Variants in ARHGEF3 observed in about 807,000 individuals in gnomAD.
ARHGEF3 encodes 59.8 kDA protein.
A neutral mutation model predicts 63.2 loss-of-function variants in ARHGEF3; 28 were observed. That is an observed-to-expected ratio of 0.44 (90% CI 0.33 to 0.61). ARHGEF3 has a LOEUF of 0.61. Among genes scored for constraint, ARHGEF3 ranks in the 20% least tolerant of loss-of-function variants. The probability of loss-of-function intolerance (pLI) is 0.03; values close to 1 mark genes in which losing one functional copy is unlikely to be tolerated. For missense variants in ARHGEF3, 533 were observed against 659.3 expected, an observed-to-expected ratio of 0.81 and a Z score of 2.10; for synonymous variants, 266 against 254.2, an observed-to-expected ratio of 1.05 and a Z score of -0.44.
intron 4 of ARHGEF3, among the ~76,000 whole-genome samples, chr3:56,752,170 C>T (rs565346160): frequency 4.2e-4 from 63 of 151,442 alleles, no homozygotes; most frequent in African/African-American, 1.5e-3. Context: ...ATCTGCCCGC[C>T]TCGGCCTCCC....
At chr3:57,000,002 G>C (rs1420719441) in intron 2 of ARHGEF3, among the ~76,000 whole-genome samples, 1 of 151,990 alleles carries the variant, frequency 6.6e-6, no homozygotes, top group African/African-American at 2.4e-5. Context: ...TGTGGCCTTG[G>C]GCAAATGACT....
At chr3:56,991,845 C>T (rs374025311) in intron 2 of ARHGEF3, among the ~76,000 whole-genome samples, 92 of 152,290 alleles carry the variant, frequency 6.0e-4, no homozygotes, top group African/African-American at 2.1e-3. Flanking sequence ...AAACTCCTGA[C>T]CTCAGGTGAT....
intron 2 of ARHGEF3, among the ~76,000 whole-genome samples, chr3:56,981,310 T>C (rs1468302855): frequency 6.6e-6 from 1 of 152,208 alleles, no homozygotes; most frequent in African/African-American, 2.4e-5. Context: ...GGGTAAATCT[T>C]TCTTAATGCA....
intron 4 of ARHGEF3, among the ~76,000 whole-genome samples, chr3:56,837,685 A>G (rs2039161327): frequency 6.6e-6 from 1 of 152,202 alleles, no homozygotes; most frequent in Non-Finnish European, 1.5e-5. Flanking sequence ...AGGTCACAAT[A>G]AACTGCGGCA....
chr3:57,030,395 C>T (rs1703684416), intron 2 of ARHGEF3, among the ~76,000 whole-genome samples: 1 of 152,128 alleles, frequency 6.6e-6, no homozygotes, highest in Non-Finnish European at 1.5e-5. Context: ...ATAATCCGTG[C>T]CTGGAAGACT....
At chr3:56,905,551 T>TGAG (rs1314976126) in intron 3 of ARHGEF3, among the ~76,000 whole-genome samples, 11 of 152,224 alleles carry the variant, frequency 7.2e-5, no homozygotes, top group Admixed American at 5.2e-4. Context: ...TAAACCAGCC[T>TGAG]ACACGCATAA....
chr3:56,996,890 A>T (rs866786010), intron 2 of ARHGEF3, among the ~76,000 whole-genome samples: 3,290 of 136,304 alleles, frequency 0.024, 64 homozygotes, highest in African/African-American at 0.045. Flanking sequence ...TATTATTATT[A>T]TTTTTTTTTT....
At chr3:57,045,392 T>C (rs1484194758) in intron 1 of ARHGEF3, among the ~76,000 whole-genome samples, 1 of 152,226 alleles carries the variant, frequency 6.6e-6, no homozygotes, top group Admixed American at 6.5e-5. Context: ...TATGGATTCA[T>C]GGAGGACCCA....
At chr3:56,866,770 G>A (rs541677619) in intron 4 of ARHGEF3, among the ~76,000 whole-genome samples, 75 of 152,334 alleles carry the variant, frequency 4.9e-4, no homozygotes, top group African/African-American at 1.7e-3. Flanking sequence ...GTGGGCACCA[G>A]GCATAGTGTT....
intron 1 of ARHGEF3, among the ~76,000 whole-genome samples, chr3:56,783,428 G>A (rs1473006105): frequency 1.3e-5 from 2 of 152,184 alleles, no homozygotes; most frequent in Admixed American, 1.3e-4. Flanking sequence ...AATTTGGAGA[G>A]GGTGAATGTT....
At chr3:56,770,150 T>C (rs1055708407) in intron 2 of ARHGEF3, among the ~76,000 whole-genome samples, 2 of 152,142 alleles carry the variant, frequency 1.3e-5, no homozygotes, top group African/African-American at 4.8e-5. Context: ...CAGTGGCTCA[T>C]GTCTGTAATC....
At chr3:56,996,429 T>A (rs897235480) in intron 2 of ARHGEF3, among the ~76,000 whole-genome samples, 4 of 152,188 alleles carry the variant, frequency 2.6e-5, no homozygotes, top group Non-Finnish European at 1.5e-5. Context: ...TAATCCCCCA[T>A]GTGATGGTAT....
chr3:56,882,249 A>T, intron 4 of ARHGEF3: 1 of 1,514,962 alleles, frequency 6.6e-7, no homozygotes, highest in Non-Finnish European at 9.0e-7. Flanking sequence ...CGGAGAAGAG[A>T]GATGCTCTCG....
At chr3:56,961,048 C>A (rs1389370244) in intron 2 of ARHGEF3, among the ~76,000 whole-genome samples, 4 of 152,130 alleles carry the variant, frequency 2.6e-5, no homozygotes, top group Non-Finnish European at 1.5e-5. Context: ...TGTCAATTAT[C>A]ACAATAATTA....
chr3:56,795,480 C>T lies in ARHGEF3; in HGVS notation c.96+6223G>A, dbSNP rs968295488. ...CTTACCGTTAAGGTTTCTCATTCAG[C>T]TTCAATTAACTGAAATTTACTAACA... On this transcript the variant is annotated intron_variant, in intron 1 of 9. Coordinates refer to ENST00000296315, the MANE Select transcript of ARHGEF3 (RefSeq NM_019555.3). Among the ~76,000 whole-genome samples, 7 of 152,270 alleles carry T rather than the reference C, an allele frequency of 4.6e-5. No individual in the cohort carries two copies. In the South Asian group the frequency reaches 1.2e-3, roughly 27 times the overall value.
chr3:57,006,962 T>C (rs1447081173), intron 2 of ARHGEF3, among the ~76,000 whole-genome samples: 2 of 152,136 alleles, frequency 1.3e-5, no homozygotes, highest in Non-Finnish European at 2.9e-5. Flanking sequence ...CCAAGTGATA[T>C]TCCACTGACA....
At chr3:56,905,468 ATTT>A (rs2108319984) in intron 3 of ARHGEF3, among the ~76,000 whole-genome samples, 1 of 152,350 alleles carries the variant, frequency 6.6e-6, no homozygotes, top group Admixed American at 6.5e-5. Flanking sequence ...GCAATAATGT[ATTT>A]ATTTAAGTCC....
Position 56,874,385 on chromosome 3 carries a change from G to A in ARHGEF3, c.192+7907C>T, listed in dbSNP as rs557979956. ...ATCAAGGCCCCATGCTGGCCAGGGC[G>A]AGGCTAATCTCCCCAGTTAGCAAGT... On this transcript the variant is annotated intron_variant, in intron 4 of 12. Transcript: ENST00000338458. Among the ~76,000 whole-genome samples the A allele has an allele frequency of 8.5e-4, 130 of 152,292 alleles. 1 individual carries two copies. Among genetic ancestry groups the A allele is most frequent in the African/African-American group, 3.1e-3 (127 of 41,558 alleles).
intron 1 of ARHGEF3, among the ~76,000 whole-genome samples, chr3:57,050,357 C>T (rs1051010856): frequency 6.6e-6 from 1 of 152,242 alleles, no homozygotes; most frequent in African/African-American, 2.4e-5. Flanking sequence ...TCTCTACTCT[C>T]AGGACTATCA....
Sources: gnomAD v4.1 joint callset for allele counts (sites outside exome capture counted in the v4.1 genomes callset) on GRCh38, gnomAD v4.1.1 for gene constraint, MANE v1.5 for transcripts, NCBI Gene and HGNC (gene_info 2026-07-23, HGNC 2026-07-21) for gene names.